The following ST7L variants were observed in gnomAD, a reference collection of about 807,000 sequenced individuals.
The protein encoded by ST7L is suppressor of tumorigenicity 7 protein-like.
In ST7L, 57 loss-of-function variants were observed where a neutral mutation model predicts 72.5. That is an observed-to-expected ratio of 0.79 (90% CI 0.64 to 0.98). The LOEUF is 0.98. ST7L is among the 50% of genes least tolerant of loss of function. The pLI, the probability that ST7L is intolerant of heterozygous loss-of-function variation, is 0.00. For synonymous variants in ST7L, 221 were observed against 240.9 expected (o/e 0.92, Z 0.77); for missense variants, 576 against 672.2 (o/e 0.86, Z 1.58).
chr1:112,618,751 G>A, intron 1 of ST7L, 158 bp downstream of exon 1: 1 of 1,403,210 alleles, frequency 7.1e-7, no homozygotes, highest in Non-Finnish European at 9.4e-7. Flanking sequence ...TCAATCAACT[G>A]CAAGGTTGCA....
downstream of ST7L, chr1:112,520,573 G>A (rs1652818736): frequency 4.6e-6 from 7 of 1,527,054 alleles, no homozygotes; most frequent in South Asian, 8.1e-5. Context: ...CAAGATCCTT[G>A]CATGCACACC....
chr1:112,598,442 T>C (rs1290430551), intron 4 of ST7L, among the ~76,000 whole-genome samples: 6 of 147,384 alleles, frequency 4.1e-5, no homozygotes, highest in Non-Finnish European at 9.0e-5. Flanking sequence ...GCCCTGTCTT[T>C]ACCAGAAAAA....
chr1:112,549,483 C>T (rs893703317), intron 13 of ST7L, among the ~76,000 whole-genome samples: 1 of 152,040 alleles, frequency 6.6e-6, no homozygotes, highest in Non-Finnish European at 1.5e-5. Context: ...TTTCTCTCAG[C>T]TATATTTTAG....
chr1:112,550,475 T>G (rs1657927415), intron 13 of ST7L, 126 bp downstream of exon 13: 1 of 607,540 alleles, frequency 1.6e-6, no homozygotes, highest in African/African-American at 1.8e-5. Context: ...ATCCCAGAAG[T>G]GGCTAAAATA....
rs778940483 is a variant in ST7L, at chr1:112,582,025, G to T, written c.1036C>A (p.Pro346Thr). The T allele has an allele frequency of 6.2e-7, 1 of 1,613,208 alleles. No homozygotes were observed. The highest frequency in any genetic ancestry group is 8.5e-7 in the Non-Finnish European group (1 of 1,179,392). ...TTTGCTAGGACTGCCTGAACATCTG[G>T]ATAGGCCTGTAATTCTAAAAGTGAT... ...LESLLELQAY[P>T]DVQAVLAKYD... The change falls in exon 9 of 15, where the codon CCA becomes ACA. Residue 346 changes from proline (P) to threonine (T), a missense_variant. By Grantham distance (38) the Pro-to-Thr change is conservative. Transcript: ENST00000358039.
chr1:112,602,157 C>T (rs12125361), intron 3 of ST7L, among the ~76,000 whole-genome samples: 35,727 of 149,856 alleles, frequency 0.24, 4,374 homozygotes, highest in Middle Eastern at 0.27. Context: ...TTATGTACTA[C>T]AGTAAAGAGT....
At chr1:112,593,155 C>T (rs1665950392) in intron 5 of ST7L, among the ~76,000 whole-genome samples, 5 of 152,048 alleles carry the variant, frequency 3.3e-5, no homozygotes, top group Admixed American at 3.3e-4. Flanking sequence ...TCTAATTCAC[C>T]TTTAAATATT....
intron 12 of ST7L, among the ~76,000 whole-genome samples, chr1:112,551,782 A>G (rs1658239612): frequency 6.6e-6 from 1 of 152,220 alleles, no homozygotes; most frequent in African/African-American, 2.4e-5. Context: ...CGTTGTCAAT[A>G]GGTTCTTGGA....
chr1:112,548,999 T>TTGTG (rs71081247), intron 13 of ST7L, among the ~76,000 whole-genome samples: 2,698 of 148,902 alleles, frequency 0.018, 32 homozygotes, highest in Non-Finnish European at 0.021. Context: ...GCTTGTTACT[T>TTGTG]TGTGTGTGTG....
downstream of ST7L, chr1:112,523,308 G>A (rs1570809333): frequency 1.4e-5 from 2 of 143,566 alleles, no homozygotes; most frequent in East Asian, 3.9e-4. Context: ...TAAGAAAAGA[G>A]CAAGCTGTCC....
At chr1:112,605,463 G>A (rs1286220407) in intron 3 of ST7L, among the ~76,000 whole-genome samples, 2 of 152,016 alleles carry the variant, frequency 1.3e-5, no homozygotes, top group East Asian at 1.9e-4. Context: ...GGCCAAGACA[G>A]GCAGATCACC....
At position 112,584,259 on chromosome 1, in the gene ST7L, T is replaced by A; in HGVS notation, c.702-133A>T. The A allele has an allele frequency of 6.5e-6, 6 of 921,550 alleles. No individual in the cohort carries two copies. The South Asian group carries it at 1.3e-4, about 20-fold the overall frequency. The allele number at this position is 921,550 out of a possible 1,614,324, so 57.1% of individuals were successfully genotyped here. A position where few individuals can be genotyped will look rare whatever the true frequency, so the allele number is the denominator to read the frequency against. Reference sequence around the variant, plus strand: ...ATCTTTAGAAAAAAAAAAACCTTCGTTCAATATTTTACCTTAATAGGGGCA... The same window carrying A: ...ATCTTTAGAAAAAAAAAAACCTTCGATCAATATTTTACCTTAATAGGGGCA... On this transcript the variant is annotated intron_variant, in intron 6 of 14. Coordinates refer to ENST00000358039, the MANE Select transcript of ST7L (RefSeq NM_017744.5).
chr1:112,575,217 C>T (rs114988071), intron 11 of ST7L, among the ~76,000 whole-genome samples: 4,838 of 152,144 alleles, frequency 0.032, 103 homozygotes, highest in Non-Finnish European at 0.046. Context: ...CCAGCTTGGG[C>T]GAAAGCAAAA....
At chr1:112,535,033 T>G (rs114373534) in intron 14 of ST7L, among the ~76,000 whole-genome samples, 1 of 152,316 alleles carries the variant, frequency 6.6e-6, no homozygotes, top group African/African-American at 2.4e-5. Context: ...CTACCAACTT[T>G]AAAACTGAAT....
intron 6 of ST7L, among the ~76,000 whole-genome samples, chr1:112,586,687 T>A (rs985516140): frequency 1.3e-5 from 2 of 152,230 alleles, no homozygotes; most frequent in African/African-American, 2.4e-5. Context: ...GTATTTTATA[T>A]GGATACTAAT....
intron 14 of ST7L, among the ~76,000 whole-genome samples, chr1:112,536,977 T>C (rs959791499): frequency 2.0e-5 from 3 of 152,112 alleles, no homozygotes; most frequent in Admixed American, 6.6e-5. Context: ...GACTACCCTG[T>C]TTAGTTAAAA....
At chr1:112,593,027 A>G (rs1252835430) in intron 5 of ST7L, among the ~76,000 whole-genome samples, 4 of 152,176 alleles carry the variant, frequency 2.6e-5, no homozygotes, top group African/African-American at 7.2e-5. Flanking sequence ...CAGGCAGTGT[A>G]ACACAGTATA....
rs1224622087 is a variant in ST7L at position 112,550,664 on chromosome 1, T to C, written c.1426A>G (p.Lys476Glu). 6.2e-7 allele frequency: 1 copy of C among 1,613,486 alleles called. No individual in the cohort carries two copies. The highest frequency in any genetic ancestry group is 8.5e-7 in the Non-Finnish European group (1 of 1,179,642). The change falls in exon 13 of 15, where the codon AAA becomes GAA. Residue 476 changes from lysine to glutamate, a missense_variant. By Grantham distance (56) the Lys-to-Glu change is moderately conservative (BLOSUM62 1). This residue lies in a region of ST7L where 511 missense variants were observed against 600.7 expected (regional missense o/e 0.85). Transcript: ENST00000358039. ...TFRMIPYPLE[K>E]GHLFYPYPSC... ...GGATAAGGGTAAAATAGATGTCCTT[T>C]CTCTAACGGGTATGGAATCATTCTA...
intron 13 of ST7L, among the ~76,000 whole-genome samples, chr1:112,544,187 TAAC>T (rs1421634247): frequency 1.3e-5 from 2 of 152,234 alleles, no homozygotes; most frequent in Non-Finnish European, 2.9e-5. Flanking sequence ...GGCTGGATAC[TAAC>T]CCAGGAATTT....
Sources: gnomAD v4.1 joint callset for allele counts (sites outside exome capture counted in the v4.1 genomes callset) on GRCh38, gnomAD v4.1.1 for gene constraint, gnomAD v4.1.1 regional missense constraint, MANE v1.5 for transcripts, NCBI Gene and HGNC (gene_info 2026-07-23, HGNC 2026-07-21) for gene names.